RCHY1: variants seen among roughly 807,000 people sequenced by gnomAD.
RCHY1 encodes RING finger and CHY zinc finger domain-containing protein 1.
Under a neutral mutation model 41.6 loss-of-function variants are expected in RCHY1, and 21 were observed. That is an observed-to-expected ratio of 0.51 (90% CI 0.36 to 0.73). The LOEUF (loss-of-function observed/expected upper bound fraction) is 0.73, where lower values mean the gene tolerates loss of function less well. Ranked by LOEUF, RCHY1 falls within the 30% of genes least tolerant of loss-of-function variation. The probability of loss-of-function intolerance (pLI) is 0.00; values close to 1 mark genes in which losing one functional copy is unlikely to be tolerated. For missense variants in RCHY1, 265 were observed against 325.3 expected (o/e 0.81, Z 1.43); for synonymous variants, 79 against 102.9 (o/e 0.77, Z 1.41).
intron 3 of RCHY1, among the ~76,000 whole-genome samples, chr4:75,498,590 C>A (rs1275967859): frequency 1.3e-5 from 2 of 150,722 alleles, no homozygotes; most frequent in African/African-American, 4.9e-5. Context: ...TAAAAAGAGA[C>A]AAGTAGACCA....
In RCHY1 at chr4:75,482,497, A is replaced by G. The variant is rs1031073211; in HGVS notation, c.*41T>C. The G allele has an allele frequency of 9.1e-6, 14 of 1,539,924 alleles. No individual in the cohort carries two copies. The Middle Eastern group carries it at 7.0e-4, about 77-fold the overall frequency. ...ACGATACCAAGGAAAGCCTTTTTCT[A>G]TATCAGAAAATGCCAAGTTCTCCAG... On this transcript the variant is annotated 3_prime_UTR_variant, in exon 9 of 9. Coordinates refer to ENST00000324439, the MANE Select transcript of RCHY1 (RefSeq NM_015436.4).
intron 1 of RCHY1, among the ~76,000 whole-genome samples, chr4:75,512,909 G>T (rs990878571): frequency 3.1e-5 from 4 of 127,596 alleles, no homozygotes; most frequent in Admixed American, 7.8e-5. Context: ...TTAAGGGGGG[G>T]GGGGGGGCGG....
intron 3 of RCHY1, among the ~76,000 whole-genome samples, chr4:75,499,941 C>A (rs1164813303): frequency 6.6e-6 from 1 of 152,132 alleles, no homozygotes; most frequent in Non-Finnish European, 1.5e-5. Context: ...ATGTTTCTAG[C>A]ACAAATATTT....
At chr4:75,492,653 G>A (rs1260401990) in intron 4 of RCHY1, among the ~76,000 whole-genome samples, 1 of 151,750 alleles carries the variant, frequency 6.6e-6, no homozygotes, top group Non-Finnish European at 1.5e-5. Context: ...ATAGATGGCA[G>A]GACCACTTAG....
At position 75,481,654 on chromosome 4, in the gene RCHY1, C is replaced by A. The variant is rs899370126; in HGVS notation, c.*884G>T. 2 of 152,162 alleles carry A rather than the reference C, an allele frequency of 1.3e-5. No homozygotes were observed. The highest frequency in any genetic ancestry group is 3.8e-4 in the East Asian group (2 of 5,198). 9.4% of individuals were successfully genotyped at this position (152,162 alleles called of 1,614,324 possible). On this transcript the variant is annotated 3_prime_UTR_variant, in exon 9 of 9. Coordinates refer to ENST00000324439, the MANE Select transcript of RCHY1 (RefSeq NM_015436.4). Reference sequence around the variant, plus strand: ...GAGTACATTGATCAAATATGATGAACAATAGAATGTACTGCTGTGAGGACA... The same window carrying A: ...GAGTACATTGATCAAATATGATGAAAAATAGAATGTACTGCTGTGAGGACA...
At chr4:75,486,657 AGT>A (rs1024428020) in intron 8 of RCHY1, among the ~76,000 whole-genome samples, 2 of 152,168 alleles carry the variant, frequency 1.3e-5, no homozygotes, top group African/African-American at 4.8e-5. Context: ...CCCTATAAGG[AGT>A]GTAAAAACAA....
intron 8 of RCHY1, among the ~76,000 whole-genome samples, chr4:75,483,297 G>A (rs1721681458): frequency 1.3e-5 from 2 of 152,110 alleles, no homozygotes; most frequent in South Asian, 4.2e-4. Flanking sequence ...ACATTACTAT[G>A]CAAGAAAAGC....
intron 8 of RCHY1, 91 bp from the exon 9 acceptor site, chr4:75,482,757 G>T: frequency 1.1e-6 from 1 of 876,634 alleles, no homozygotes; most frequent in Non-Finnish European, 1.6e-6. Flanking sequence ...TCATATTAAA[G>T]ATGTGAAAAT....
At chr4:75,510,869 T>C (rs1465230804) in intron 1 of RCHY1, among the ~76,000 whole-genome samples, 1 of 152,240 alleles carries the variant, frequency 6.6e-6, no homozygotes, top group Admixed American at 6.5e-5. Context: ...AATTCTTCTA[T>C]CTGCTTATGC....
In RCHY1 at chr4:75,479,800, A is replaced by G. The variant is rs1721385085; in HGVS notation, c.*2738T>C. 1 of 152,192 alleles carries G rather than the reference A, an allele frequency of 6.6e-6. No homozygotes were observed. Among genetic ancestry groups the G allele is most frequent in the Admixed American group, 6.5e-5 (1 of 15,270 alleles). The allele number at this position is 152,192 out of a possible 1,614,324, so 9.4% of individuals were successfully genotyped here. ...GCAACCTAACTTATTTCAGGGACAG[A>G]TAATTCTAGTGTACTTAAGATCTGT... On this transcript the variant is annotated 3_prime_UTR_variant, in exon 9 of 9. Transcript: ENST00000324439.
rs1354828839 is a variant in RCHY1, at chr4:75,479,903, T to C, written c.*2635A>G. 6.6e-6 allele frequency: 1 copy of C among 152,196 alleles called. No homozygotes were observed. The highest frequency in any genetic ancestry group is 1.5e-5 in the Non-Finnish European group (1 of 68,036). 9.4% of individuals were successfully genotyped at this position (152,196 alleles called of 1,614,324 possible). ...AAGTTGTCTGTTAAAATGTTAACAG[T>C]AGTTCTCTCTGAAAGAAGGGATTGT... On this transcript the variant is annotated 3_prime_UTR_variant, in exon 9 of 9. Transcript: ENST00000324439.
At chr4:75,495,078 G>A (rs1015478622) in intron 3 of RCHY1, among the ~76,000 whole-genome samples, 5 of 151,522 alleles carry the variant, frequency 3.3e-5, no homozygotes, top group Non-Finnish European at 5.9e-5. Context: ...GTTTTCATTC[G>A]CATGTATTAT....
chr4:75,488,896 G>A (rs1227769385), intron 8 of RCHY1, among the ~76,000 whole-genome samples: 4 of 152,036 alleles, frequency 2.6e-5, no homozygotes, highest in Admixed American at 6.6e-5. Flanking sequence ...CCAACATGGC[G>A]AAACACCGAC....
At chr4:75,488,448 T>G (rs915879907) in intron 8 of RCHY1, among the ~76,000 whole-genome samples, 2 of 152,090 alleles carry the variant, frequency 1.3e-5, no homozygotes, top group Non-Finnish European at 2.9e-5. Flanking sequence ...TCTGACAACT[T>G]TAGGACTTGG....
chr4:75,506,248 A>AG (rs1238587532), intron 3 of RCHY1, among the ~76,000 whole-genome samples: 1 of 152,068 alleles, frequency 6.6e-6, no homozygotes, highest in East Asian at 1.9e-4. Flanking sequence ...TGAAAAAAAA[A>AG]TAGCATCGAG....
upstream of RCHY1, chr4:75,514,587 G>A (rs1433594447): frequency 3.5e-6 from 1 of 287,864 alleles, no homozygotes; most frequent in Non-Finnish European, 6.5e-6. Context: ...GCGTAGTTCG[G>A]CGCGAGGTTG....
At chr4:75,512,544 C>T (rs984913827) in intron 1 of RCHY1, among the ~76,000 whole-genome samples, 12 of 152,142 alleles carry the variant, frequency 7.9e-5, no homozygotes, top group Non-Finnish European at 1.6e-4. Flanking sequence ...CATTATAAAA[C>T]GTTCTCACTC....
intron 3 of RCHY1, among the ~76,000 whole-genome samples, chr4:75,498,450 A>G (rs1398639928): frequency 6.6e-6 from 1 of 151,064 alleles, no homozygotes; most frequent in Non-Finnish European, 1.5e-5. Context: ...TGGAGCCACA[A>G]AAGACCCTGA....
At chr4:75,492,769 C>T (rs551110342) in intron 4 of RCHY1, among the ~76,000 whole-genome samples, 1 of 151,800 alleles carries the variant, frequency 6.6e-6, no homozygotes, top group South Asian at 2.1e-4. Context: ...GGGAGAAAAA[C>T]CCTCAAAATA....
Sources: gnomAD v4.1 joint callset for allele counts (sites outside exome capture counted in the v4.1 genomes callset) on GRCh38, gnomAD v4.1.1 for gene constraint, MANE v1.5 for transcripts, NCBI Gene and HGNC (gene_info 2026-07-23, HGNC 2026-07-21) for gene names.